The following SCNN1B variants were observed in gnomAD, a reference collection of about 807,000 sequenced individuals.
The protein encoded by SCNN1B is epithelial sodium channel subunit beta.
In SCNN1B, 46 loss-of-function variants were observed where a neutral mutation model predicts 65.3. The observed-to-expected ratio is 0.70, with a 90% CI of 0.56 to 0.90. The LOEUF is 0.90. SCNN1B is among the 40% of genes least tolerant of loss of function. SCNN1B has a pLI of 0.00. For missense variants in SCNN1B, 751 were observed against 830.5 expected (o/e 0.90, Z 1.18); for synonymous variants, 349 against 330.6 (o/e 1.06, Z -0.60).
intron 2 of SCNN1B, among the ~76,000 whole-genome samples, chr16:23,287,686 G>T (rs28563926): frequency 0.34 from 51,004 of 151,940 alleles, 10,261 homozygotes; most frequent in African/African-American, 0.57. Context: ...TGAGGCTCCA[G>T]TGAGCTATGA....
Position 23,287,960 on chromosome 16 carries a change from T to C in SCNN1B, n.178+4156T>C, listed in dbSNP as rs559422139. 7.5e-5 allele frequency among the ~76,000 whole-genome samples: 11 copies of C among 147,022 alleles called. No individual in the cohort carries two copies. In the South Asian group the frequency reaches 1.5e-3, roughly 21 times the overall value. On this transcript the variant is annotated intron_variant and non_coding_transcript_variant, in intron 2 of 3. Transcript: ENST00000569789. The stretch of plus-strand genomic sequence containing the variant: ...GCTTGAGCCCAGGAGTTCAGGACTA[T>C]CCTGGGCAACATGGTGAAACCCCAT...
chr16:23,328,037 C>T (rs1254703390), intron 1 of SCNN1B, among the ~76,000 whole-genome samples: 1 of 152,152 alleles, frequency 6.6e-6, no homozygotes, highest in Non-Finnish European at 1.5e-5. Context: ...AGGAAGCCGC[C>T]AAGCATGGCA....
intron 1 of SCNN1B, among the ~76,000 whole-genome samples, chr16:23,328,271 G>T (rs1447080989): frequency 6.6e-6 from 1 of 152,152 alleles, no homozygotes; most frequent in African/African-American, 2.4e-5. Context: ...TATATAATTA[G>T]TAGCATCCAA....
At chr16:23,280,764 C>A (rs1960773931) in intron 1 of SCNN1B, among the ~76,000 whole-genome samples, 1 of 152,214 alleles carries the variant, frequency 6.6e-6, no homozygotes, top group Non-Finnish European at 1.5e-5. Context: ...GACCATGTGC[C>A]TCCTCACCAG....
chr16:23,310,949 C>A (rs1961328568), intron 1 of SCNN1B, among the ~76,000 whole-genome samples: 1 of 152,242 alleles, frequency 6.6e-6, no homozygotes, highest in Non-Finnish European at 1.5e-5. Context: ...GGTGCAAGTT[C>A]TTGGCCTAAC....
intron 4 of SCNN1B, among the ~76,000 whole-genome samples, chr16:23,360,064 G>A (rs1962506735): frequency 6.6e-6 from 1 of 151,878 alleles, no homozygotes; most frequent in South Asian, 2.1e-4. Flanking sequence ...TTAGCTGGGT[G>A]CAGTGGCTCA....
intron 1 of SCNN1B, among the ~76,000 whole-genome samples, chr16:23,338,683 G>C (rs1961992739): frequency 6.6e-6 from 1 of 152,148 alleles, no homozygotes; most frequent in Non-Finnish European, 1.5e-5. Context: ...GAAGAATTGG[G>C]GTGAGCTGGG....
At chr16:23,350,235 G>A (rs1014535801) in intron 2 of SCNN1B, among the ~76,000 whole-genome samples, 2 of 152,232 alleles carry the variant, frequency 1.3e-5, no homozygotes, top group African/African-American at 4.8e-5. Context: ...TACAGGTGAG[G>A]AGATGGAGGT....
intron 1 of SCNN1B, among the ~76,000 whole-genome samples, chr16:23,307,509 G>T (rs1178620038): frequency 1.3e-5 from 2 of 152,174 alleles, no homozygotes; most frequent in East Asian, 3.9e-4. Flanking sequence ...TAGTAAAGAT[G>T]AGGTTTCACC....
chr16:23,372,283 G>A (rs1418339105), intron 7 of SCNN1B: 2 of 306,426 alleles, frequency 6.5e-6, no homozygotes, highest in Non-Finnish European at 1.3e-5. Context: ...CTACAATATA[G>A]TAATGACAGC....
chr16:23,286,966 G>T (rs1960858842), intron 2 of SCNN1B, among the ~76,000 whole-genome samples: 1 of 150,258 alleles, frequency 6.7e-6, no homozygotes, highest in South Asian at 2.1e-4. Context: ...TGTTGTTGTT[G>T]TTGATGTTGT....
chr16:23,337,587 A>G (rs1328206773), intron 1 of SCNN1B, among the ~76,000 whole-genome samples: 1 of 151,874 alleles, frequency 6.6e-6, no homozygotes, highest in Non-Finnish European at 1.5e-5. Context: ...CATGTTGACC[A>G]GGCTGGTCTC....
chr16:23,368,073 C>A, intron 5 of SCNN1B, 114 bp downstream of exon 5: 1 of 870,940 alleles, frequency 1.1e-6, no homozygotes, highest in Non-Finnish European at 2.0e-6. Context: ...ACCAAGGCAT[C>A]AAGAGGAGTG....
At position 23,377,150 on chromosome 16, in the gene SCNN1B, C is replaced by G. The variant is rs1320461467; in HGVS notation, c.1271-15C>G. ...CCCCTTAAACCTCTTGGCCGCCTTT[C>G]TGTCTCCTGCGCAGCCCATTGCTAC... On this transcript the variant is annotated splice_polypyrimidine_tract_variant and intron_variant, in intron 8 of 12. Transcript: ENST00000343070. 3.1e-6 allele frequency: 5 copies of G among 1,613,028 alleles called. No homozygotes were observed. The highest frequency in any genetic ancestry group is 4.2e-6 in the Non-Finnish European group (5 of 1,179,548).
intron 1 of SCNN1B, among the ~76,000 whole-genome samples, chr16:23,339,965 A>G (rs1401504316): frequency 1.3e-5 from 2 of 152,024 alleles, no homozygotes; most frequent in Non-Finnish European, 2.9e-5. Context: ...ACACATCCTC[A>G]CCAATACTAG....
chr16:23,314,553 C>G (rs1961410714), intron 1 of SCNN1B, among the ~76,000 whole-genome samples: 1 of 152,156 alleles, frequency 6.6e-6, no homozygotes, highest in African/African-American at 2.4e-5. Context: ...GTAGATCCCA[C>G]TCTGTTCACC....
chr16:23,329,547 A>G (rs1177966932), intron 1 of SCNN1B, among the ~76,000 whole-genome samples: 1 of 152,178 alleles, frequency 6.6e-6, no homozygotes, highest in African/African-American at 2.4e-5. Flanking sequence ...TGTTTTAAGC[A>G]CCCTCGGAGG....
intron 1 of SCNN1B, among the ~76,000 whole-genome samples, chr16:23,310,910 C>T (rs1306722295): frequency 6.6e-6 from 1 of 152,354 alleles, no homozygotes; most frequent in East Asian, 1.9e-4. Flanking sequence ...AACCAGGACT[C>T]TCAAACTCAG....
intron 6 of SCNN1B, 120 bp from the exon 7 acceptor site, chr16:23,371,656 C>A: frequency 1.9e-6 from 2 of 1,029,322 alleles, no homozygotes; most frequent in Non-Finnish European, 3.0e-6. Flanking sequence ...CCTCTGGCGC[C>A]CCCCCTGGCA....
Sources: allele counts gnomAD v4.1 joint callset (sites outside exome capture counted in the v4.1 genomes callset), GRCh38; gene constraint gnomAD v4.1.1; transcripts MANE v1.5; gene names NCBI Gene and HGNC (gene_info 2026-07-23, HGNC 2026-07-21).